Variants in CLVS1 observed in about 807,000 individuals in gnomAD.
CLVS1 encodes clavesin-1.
CLVS1 carries 10 observed loss-of-function variants against 33.1 expected under a neutral mutation model. That is an observed-to-expected ratio of 0.30 (90% CI 0.19 to 0.51). CLVS1 has a LOEUF of 0.51. Among genes scored for constraint, CLVS1 ranks in the 20% least tolerant of loss-of-function variants. The pLI is 0.97. For missense variants in CLVS1, 343 were observed against 433.4 expected, an observed-to-expected ratio of 0.79 and a Z score of 1.85; for synonymous variants, 163 against 166.1, an observed-to-expected ratio of 0.98 and a Z score of 0.14.
chr8:61,351,613 A>T (rs756173596), intron 2 of CLVS1, among the ~76,000 whole-genome samples: 1 of 152,166 alleles, frequency 6.6e-6, no homozygotes, highest in Non-Finnish European at 1.5e-5. Context: ...CCCAAACAGG[A>T]TAAAACAAAG....
intron 2 of CLVS1, among the ~76,000 whole-genome samples, chr8:61,318,929 A>T (rs1384947279): frequency 1.3e-5 from 2 of 152,058 alleles, no homozygotes. Flanking sequence ...ATCTGTTTTT[A>T]ATTCAGTGTC....
chr8:61,355,078 A>G (rs183325761), intron 2 of CLVS1, among the ~76,000 whole-genome samples: 80 of 152,252 alleles, frequency 5.3e-4, no homozygotes, highest in African/African-American at 1.7e-3. Context: ...CCTACGCCCA[A>G]AACAAATTTA....
chr8:61,410,233 GTTTTGT>G lies in CLVS1; in HGVS notation c.630+33475_630+33480del, dbSNP rs926588507. ...TTTATCATACTGTACAGTGTGAGAT[GTTTTGT>G]TTTTGTTTTTGTTTTTGTTTCCTAG... On this transcript the variant is annotated intron_variant, in intron 3 of 5. Coordinates refer to ENST00000325897, the MANE Select transcript of CLVS1 (RefSeq NM_173519.3). Among the ~76,000 whole-genome samples the G allele has an allele frequency of 1.3e-4, 20 of 152,002 alleles. No individual in the cohort carries two copies. The East Asian group carries it at 2.1e-3, about 16-fold the overall frequency.
chr8:61,173,038 G>A (rs1807038094), intron 2 of CLVS1, among the ~76,000 whole-genome samples: 1 of 152,166 alleles, frequency 6.6e-6, no homozygotes, highest in Non-Finnish European at 1.5e-5. Flanking sequence ...AACAGGTTTT[G>A]TGGCAAACTA....
chr8:61,334,197 A>T (rs1811700809), intron 2 of CLVS1, among the ~76,000 whole-genome samples: 1 of 152,186 alleles, frequency 6.6e-6, no homozygotes, highest in Admixed American at 6.5e-5. Flanking sequence ...GAGAGGCATG[A>T]TTGGATAGTA....
chr8:61,361,536 G>A (rs974766537), intron 2 of CLVS1, among the ~76,000 whole-genome samples: 2 of 152,164 alleles, frequency 1.3e-5, no homozygotes, highest in African/African-American at 4.8e-5. Flanking sequence ...TGCCTTGGCT[G>A]CAGAGAAAGC....
At chr8:61,371,969 G>A (rs1391518563) in intron 2 of CLVS1, among the ~76,000 whole-genome samples, 1 of 152,040 alleles carries the variant, frequency 6.6e-6, no homozygotes, top group Non-Finnish European at 1.5e-5. Flanking sequence ...CATTTCACTG[G>A]CAATTTGCAG....
chr8:61,316,014 T>C lies in CLVS1; in HGVS notation c.455+15732T>C, dbSNP rs200412168. On this transcript the variant is annotated intron_variant, in intron 2 of 5. Transcript: ENST00000325897. ...TGTTCCTATGTTAGTTTGCTAAGAA[T>C]GATGGTTTCCAGCTTCATTCATGTC... 2.6e-5 allele frequency among the ~76,000 whole-genome samples: 4 copies of C among 152,304 alleles called. No homozygotes were observed. In the East Asian group the frequency reaches 7.7e-4, roughly 29 times the overall value.
Position 61,403,847 on chromosome 8 carries a change from T to C in CLVS1, c.630+27068T>C, listed in dbSNP as rs528343615. On this transcript the variant is annotated intron_variant, in intron 3 of 5. Coordinates refer to ENST00000325897, the MANE Select transcript of CLVS1 (RefSeq NM_173519.3). ...CACGAAAACATGTAGAAAGGATATCTACTTAATGCTTCCCAAGGAAATGGG... is the reference window on the plus strand; with the variant it reads ...CACGAAAACATGTAGAAAGGATATCCACTTAATGCTTCCCAAGGAAATGGG... Among the ~76,000 whole-genome samples, 73 of 152,294 alleles carry C rather than the reference T, an allele frequency of 4.8e-4. No individual in the cohort carries two copies. The South Asian group carries it at 0.015, about 30-fold the overall frequency.
Position 61,300,128 on chromosome 8 carries a change from C to T in CLVS1, c.301C>T (p.Arg101Cys), listed in dbSNP as rs781486942. ...FRLLAQYFQY[R>C]QLNLDMFKNF... Reference sequence around the variant, plus strand: ...ACTCCTGGCTCAGTATTTCCAGTACCGCCAGCTAAACCTGGACATGTTCAA... The same window carrying T: ...ACTCCTGGCTCAGTATTTCCAGTACTGCCAGCTAAACCTGGACATGTTCAA... The change falls in exon 2 of 6, where the codon CGC becomes TGC. Residue 101 changes from arginine (R) to cysteine (C), a missense_variant. Coordinates refer to ENST00000325897, the MANE Select transcript of CLVS1 (RefSeq NM_173519.3). The T allele has an allele frequency of 2.5e-6, 4 of 1,613,926 alleles. No individual in the cohort carries two copies. The highest frequency in any genetic ancestry group is 3.4e-6 in the Non-Finnish European group (4 of 1,179,948).
At chr8:61,237,431 G>A (rs145982742) in intron 2 of CLVS1, among the ~76,000 whole-genome samples, 1 of 152,168 alleles carries the variant, frequency 6.6e-6, no homozygotes, top group African/African-American at 2.4e-5. Context: ...CAAGGTGATA[G>A]AGCAAGACTG....
intron 2 of CLVS1, among the ~76,000 whole-genome samples, chr8:61,171,067 G>C (rs1253861147): frequency 6.6e-6 from 1 of 151,034 alleles, no homozygotes; most frequent in East Asian, 1.9e-4. Flanking sequence ...CCATTTAACT[G>C]CCCAGGTGTC....
intron 2 of CLVS1, among the ~76,000 whole-genome samples, chr8:61,223,602 CTCT>C: frequency 6.6e-6 from 1 of 152,216 alleles, no homozygotes; most frequent in Non-Finnish European, 1.5e-5. Context: ...TCTCTGGCTG[CTCT>C]TAACATTTTT....
At chr8:61,189,067 A>G (rs957273102) in intron 2 of CLVS1, among the ~76,000 whole-genome samples, 5 of 152,192 alleles carry the variant, frequency 3.3e-5, no homozygotes, top group Non-Finnish European at 7.3e-5. Flanking sequence ...AAGACACGTA[A>G]CTGTCAGATT....
At chr8:61,217,798 A>G (rs536123511) in intron 2 of CLVS1, among the ~76,000 whole-genome samples, 1 of 152,350 alleles carries the variant, frequency 6.6e-6, no homozygotes, top group Non-Finnish European at 1.5e-5. Flanking sequence ...AAGGAACTCA[A>G]ACATCTCAAC....
intron 3 of CLVS1, among the ~76,000 whole-genome samples, chr8:61,393,937 G>A (rs1221439327): frequency 1.3e-5 from 2 of 152,334 alleles, no homozygotes; most frequent in East Asian, 3.9e-4. Context: ...TAGCCAGGAT[G>A]TTGCAGGCAA....
intron 2 of CLVS1, among the ~76,000 whole-genome samples, chr8:61,224,660 G>A (rs957111836): frequency 6.6e-6 from 1 of 152,160 alleles, no homozygotes; most frequent in Non-Finnish European, 1.5e-5. Context: ...GGTGGCATAG[G>A]GAGCAGGACC....
intron 2 of CLVS1, among the ~76,000 whole-genome samples, chr8:61,338,688 C>G (rs1019533576): frequency 3.9e-5 from 6 of 152,202 alleles, no homozygotes; most frequent in African/African-American, 1.4e-4. Context: ...CCCGGTGTCT[C>G]TCTCCTTTCT....
At chr8:61,202,853 A>G in intron 2 of CLVS1, 1 of 988,050 alleles carries the variant, frequency 1.0e-6, no homozygotes, top group South Asian at 1.3e-5. Flanking sequence ...GATGATGATG[A>G]AGAAGATGAT....
Sources: gnomAD v4.1 joint callset for allele counts (sites outside exome capture counted in the v4.1 genomes callset) on GRCh38, gnomAD v4.1.1 for gene constraint, MANE v1.5 for transcripts, NCBI Gene and HGNC (gene_info 2026-07-23, HGNC 2026-07-21) for gene names.